The following MAF variants were observed in gnomAD, a reference collection of about 807,000 sequenced individuals.
MAF encodes the protein transcription factor Maf.
Under a neutral mutation model 22.0 loss-of-function variants are expected in MAF, and 10 were observed. The observed-to-expected ratio is 0.45, with a 90% CI of 0.28 to 0.77. The LOEUF is 0.77. MAF is among the 30% of genes least tolerant of loss of function. MAF has a pLI of 0.12. For missense variants in MAF, 544 were observed against 548.4 expected (o/e 0.99, Z 0.08); for synonymous variants, 337 against 255.8 (o/e 1.32, Z -3.03).
At chr16:79,387,940 G>A in the MAF span, among the ~76,000 whole-genome samples, 1 of 152,042 alleles carries the variant, frequency 6.6e-6, no homozygotes, top group African/African-American at 2.4e-5. Flanking sequence ...TGAGTTCATA[G>A]TAGGTTGTGA....
At chr16:79,314,304 A>G in the MAF span, among the ~76,000 whole-genome samples, 100 of 152,134 alleles carry the variant, frequency 6.6e-4, 2 homozygotes, top group Non-Finnish European at 1.6e-4. Flanking sequence ...CACTCTCCCA[A>G]AGTCCCTCAG....
chr16:79,512,714 A>C, the MAF span, among the ~76,000 whole-genome samples: 1 of 152,236 alleles, frequency 6.6e-6, no homozygotes, highest in African/African-American at 2.4e-5. Context: ...GTAAAGACGT[A>C]ATAAAGTAAC....
chr16:79,372,467 T>C, the MAF span, among the ~76,000 whole-genome samples: 1 of 152,224 alleles, frequency 6.6e-6, no homozygotes, highest in Non-Finnish European at 1.5e-5. Context: ...CTTAAAAGCA[T>C]GTTAAAATAT....
At chr16:79,576,950 A>T in the MAF span, among the ~76,000 whole-genome samples, 6 of 152,200 alleles carry the variant, frequency 3.9e-5, no homozygotes, top group African/African-American at 1.2e-4. Flanking sequence ...TATTAGAGTG[A>T]TTTAATGCTG....
At chr16:79,214,448 C>A in the MAF span, among the ~76,000 whole-genome samples, 19 of 152,108 alleles carry the variant, frequency 1.2e-4, 2 homozygotes, top group Admixed American at 1.0e-3. Context: ...CACTGTCGCC[C>A]GGGCTGCAGT....
chr16:79,539,030 T>C, the MAF span, among the ~76,000 whole-genome samples: 1 of 151,722 alleles, frequency 6.6e-6, no homozygotes, highest in Non-Finnish European at 1.5e-5. Flanking sequence ...TACAGAAAAA[T>C]GTTCAAGAGT....
the MAF span, among the ~76,000 whole-genome samples, chr16:79,257,688 G>A: frequency 6.6e-6 from 1 of 152,160 alleles, no homozygotes; most frequent in Non-Finnish European, 1.5e-5. Flanking sequence ...TCCCATATTT[G>A]TGTCCAGTCT....
At chr16:79,388,334 A>G in the MAF span, among the ~76,000 whole-genome samples, 4 of 151,500 alleles carry the variant, frequency 2.6e-5, no homozygotes, top group African/African-American at 9.7e-5. Context: ...GTAAAACTAA[A>G]TCATATACAT....
the MAF span, among the ~76,000 whole-genome samples, chr16:79,310,811 C>A: frequency 1.3e-5 from 2 of 152,190 alleles, no homozygotes; most frequent in African/African-American, 4.8e-5. Context: ...CCTGAGTAGT[C>A]CCTGGTCGTG....
At chr16:79,401,021 G>A in the MAF span, among the ~76,000 whole-genome samples, 6 of 152,168 alleles carry the variant, frequency 3.9e-5, no homozygotes, top group African/African-American at 1.4e-4. Flanking sequence ...CGCTGATAAG[G>A]AGTCTTGGCC....
the MAF span, among the ~76,000 whole-genome samples, chr16:79,268,950 C>CT: frequency 6.6e-6 from 1 of 152,178 alleles, no homozygotes; most frequent in Middle Eastern, 3.2e-3. Flanking sequence ...ATCAGGATCT[C>CT]TTAGGAGTGT....
chr16:79,499,853 C>T, the MAF span, among the ~76,000 whole-genome samples: 1 of 152,218 alleles, frequency 6.6e-6, no homozygotes, highest in Admixed American at 6.5e-5. Context: ...TCCCTACAAT[C>T]TGTGAATATT....
chr16:79,237,599 T>C, the MAF span, among the ~76,000 whole-genome samples: 3 of 152,044 alleles, frequency 2.0e-5, no homozygotes, highest in African/African-American at 7.2e-5. Context: ...TCTGAGTAGG[T>C]GAGTTCCATC....
At chr16:79,480,290 C>G in the MAF span, among the ~76,000 whole-genome samples, 5 of 152,004 alleles carry the variant, frequency 3.3e-5, no homozygotes, top group Non-Finnish European at 7.4e-5. Context: ...CCGGGTGAAA[C>G]TGGGCAGGCA....
the MAF span, chr16:79,205,498 A>C: frequency 6.6e-6 from 1 of 152,226 alleles, no homozygotes; most frequent in Non-Finnish European, 1.5e-5. Flanking sequence ...GAGGGCTAAG[A>C]GTTGGCATGG....
the MAF span, among the ~76,000 whole-genome samples, chr16:79,551,213 C>T: frequency 6.6e-6 from 1 of 152,058 alleles, no homozygotes; most frequent in Non-Finnish European, 1.5e-5. Context: ...ACCAGATTCC[C>T]TAAGGAGTCA....
At chr16:79,251,564 G>A in the MAF span, among the ~76,000 whole-genome samples, 44 of 151,466 alleles carry the variant, frequency 2.9e-4, no homozygotes, top group Middle Eastern at 6.8e-3. Flanking sequence ...TGATCCATTC[G>A]CCTCGGCCTC....
At chr16:79,378,180 A>C in the MAF span, among the ~76,000 whole-genome samples, 5 of 152,254 alleles carry the variant, frequency 3.3e-5, no homozygotes, top group Admixed American at 3.3e-4. Flanking sequence ...GTTAATCTAA[A>C]GCCATGTACA....
chr16:79,369,585 C>G, the MAF span, among the ~76,000 whole-genome samples: 1 of 152,180 alleles, frequency 6.6e-6, no homozygotes, highest in Non-Finnish European at 1.5e-5. Context: ...CCTGCCACAG[C>G]CTCAGGGATT....
Sources: allele counts gnomAD v4.1 joint callset (sites outside exome capture counted in the v4.1 genomes callset), GRCh38; gene constraint gnomAD v4.1.1; transcripts MANE v1.5; gene names NCBI Gene and HGNC (gene_info 2026-07-23, HGNC 2026-07-21).